INPP5A: variants seen among roughly 807,000 people sequenced by gnomAD.
The protein encoded by INPP5A is inositol polyphosphate-5-phosphatase A, also known as 43 kDa inositol polyphosphate 5-phophatase.
A neutral mutation model predicts 65.2 loss-of-function variants in INPP5A; 14 were observed. The observed-to-expected ratio is 0.21, with a 90% CI of 0.14 to 0.34. The LOEUF (loss-of-function observed/expected upper bound fraction) is 0.34, where lower values mean the gene tolerates loss of function less well. Among genes scored for constraint, INPP5A ranks in the 10% least tolerant of loss-of-function variants. The probability of loss-of-function intolerance (pLI) is 1.00; values close to 1 mark genes in which losing one functional copy is unlikely to be tolerated. For synonymous variants in INPP5A, 207 were observed against 208.3 expected (o/e 0.99, Z 0.05); for missense variants, 431 against 545.6 (o/e 0.79, Z 2.09).
At chr10:132,768,961 G>A (rs113323052) in intron 12 of INPP5A, among the ~76,000 whole-genome samples, 10 of 152,342 alleles carry the variant, frequency 6.6e-5, no homozygotes, top group Middle Eastern at 3.4e-3. Context: ...GGACCCTCCC[G>A]CGGGCAGTAG....
rs979731636 is a variant in INPP5A at position 132,627,939 on chromosome 10, G to T, written c.118-17929G>T. Among the ~76,000 whole-genome samples, 2 of 152,148 alleles carry T rather than the reference G, an allele frequency of 1.3e-5. No individual in the cohort carries two copies. Among genetic ancestry groups the T allele is most frequent in the Admixed American group, 6.5e-5 (1 of 15,270 alleles). ...TGGAGAGAAACTGGAGATAAGGGAC[G>T]CGAATCTGACTCGGTGACTTTGTTG... On this transcript the variant is annotated intron_variant, in intron 2 of 15. Transcript: ENST00000368594. This position sits in a 1 kb window ranked among gnomAD's most constrained non-coding sequence, Gnocchi z 6.6.
At chr10:132,717,327 C>T (rs1465590920) in intron 8 of INPP5A, among the ~76,000 whole-genome samples, 1 of 145,946 alleles carries the variant, frequency 6.9e-6, no homozygotes, top group African/African-American at 2.8e-5. Context: ...GTGGGGAAGT[C>T]AGGGGGCCTT....
intron 1 of INPP5A, among the ~76,000 whole-genome samples, chr10:132,570,874 C>G (rs994933954): frequency 4.6e-5 from 7 of 152,226 alleles, no homozygotes; most frequent in Non-Finnish European, 1.5e-5. Flanking sequence ...GATAGAGGGC[C>G]GTCCTTCCGG....
At chr10:132,750,098 G>T (rs561937083) in intron 11 of INPP5A, among the ~76,000 whole-genome samples, 2 of 152,382 alleles carry the variant, frequency 1.3e-5, no homozygotes, top group South Asian at 4.1e-4. Flanking sequence ...ATCAGCTTCA[G>T]AGATCCCCCC....
At chr10:132,562,594 A>G (rs926929518) in intron 1 of INPP5A, among the ~76,000 whole-genome samples, 4 of 152,372 alleles carry the variant, frequency 2.6e-5, no homozygotes, top group East Asian at 1.9e-4. Flanking sequence ...CACGTGAAAC[A>G]TGGTGCGTGT....
rs1451815337 is a variant in INPP5A at position 132,697,192 on chromosome 10, C to CACA, written c.371-624_371-623insACA. 1.3e-5 allele frequency among the ~76,000 whole-genome samples: 2 copies of CACA among 152,260 alleles called. No individual in the cohort carries two copies. The highest frequency in any genetic ancestry group is 4.1e-4 in the South Asian group (2 of 4,838). ...CCCTGCCATCCTTGATCACACCCCA[C>CACA]CTTGGGTGTGGAGCTACCTGTCCAT... On this transcript the variant is annotated intron_variant, in intron 5 of 15. Coordinates refer to ENST00000368594, the MANE Select transcript of INPP5A (RefSeq NM_005539.5). This position sits in a 1 kb window ranked among gnomAD's most constrained non-coding sequence, Gnocchi z 5.6.
At chr10:132,608,311 C>T (rs527779600) in intron 2 of INPP5A, among the ~76,000 whole-genome samples, 12 of 152,370 alleles carry the variant, frequency 7.9e-5, no homozygotes, top group East Asian at 5.8e-4. Flanking sequence ...GCTGGGTGTG[C>T]TCCTCACCAG....
At chr10:132,771,104 A>G (rs887066465) in intron 12 of INPP5A, among the ~76,000 whole-genome samples, 7 of 152,316 alleles carry the variant, frequency 4.6e-5, no homozygotes, top group African/African-American at 1.7e-4. Context: ...CTGTCTGTCA[A>G]TCTTTCTGGC....
chr10:132,544,192 C>G (rs920804735), intron 1 of INPP5A, among the ~76,000 whole-genome samples: 2 of 152,266 alleles, frequency 1.3e-5, no homozygotes, highest in Non-Finnish European at 1.5e-5. Flanking sequence ...AGTGCCATCT[C>G]TGTGTGGGTG....
intron 4 of INPP5A, among the ~76,000 whole-genome samples, chr10:132,664,832 T>C (rs967895435): frequency 4.6e-5 from 7 of 152,178 alleles, no homozygotes; most frequent in African/African-American, 1.7e-4. Context: ...AGAAAGTGGC[T>C]CCCATCCTGG....
chr10:132,669,783 G>A (rs75869647), intron 4 of INPP5A, among the ~76,000 whole-genome samples: 3 of 152,142 alleles, frequency 2.0e-5, no homozygotes, highest in East Asian at 1.9e-4. Flanking sequence ...GGATTTTGGC[G>A]TGAGCGTGGA....
chr10:132,770,338 G>T (rs1261260730), intron 12 of INPP5A, among the ~76,000 whole-genome samples: 1 of 152,250 alleles, frequency 6.6e-6, no homozygotes, highest in African/African-American at 2.4e-5. Context: ...TCCGGAATGT[G>T]GGGGGCACTG....
chr10:132,611,684 A>C (rs1373411908), intron 2 of INPP5A, among the ~76,000 whole-genome samples: 1 of 43,202 alleles, frequency 2.3e-5, no homozygotes, highest in Non-Finnish European at 4.5e-5. Context: ...GGGGAGGGTG[A>C]GGGAGGTGAG....
intron 9 of INPP5A, among the ~76,000 whole-genome samples, chr10:132,748,290 G>A (rs551533572): frequency 3.3e-5 from 5 of 152,322 alleles, no homozygotes; most frequent in Middle Eastern, 6.8e-3. Context: ...GTGTAAGGCA[G>A]CAGCTGTGCC....
At chr10:132,744,682 AT>A (rs1846336783) in intron 9 of INPP5A, among the ~76,000 whole-genome samples, 1 of 152,090 alleles carries the variant, frequency 6.6e-6, no homozygotes, top group African/African-American at 2.4e-5. Flanking sequence ...GTTCGTTTTT[AT>A]TTTATTTAAC....
intron 11 of INPP5A, among the ~76,000 whole-genome samples, chr10:132,759,254 C>G (rs1052178701): frequency 1.3e-5 from 2 of 152,070 alleles, no homozygotes; most frequent in African/African-American, 4.8e-5. Flanking sequence ...TTGGATGCAC[C>G]AGGGAAGACC....
At chr10:132,701,073 C>A (rs1845428860) in intron 6 of INPP5A, among the ~76,000 whole-genome samples, 1 of 152,202 alleles carries the variant, frequency 6.6e-6, no homozygotes, top group African/African-American at 2.4e-5. Flanking sequence ...TCTGAGCGGG[C>A]CTTCGGCGTG....
intron 4 of INPP5A, among the ~76,000 whole-genome samples, chr10:132,688,791 A>C (rs1289600396): frequency 1.3e-5 from 2 of 148,498 alleles, no homozygotes; most frequent in Middle Eastern, 3.3e-3. Context: ...TGTGTGAGCA[A>C]GTGCGTGTGT....
chr10:132,765,981 AGAGT>A (rs1565008377), intron 12 of INPP5A, 135 bp downstream of exon 12: 1 of 674,790 alleles, frequency 1.5e-6, no homozygotes, highest in Non-Finnish European at 2.8e-6. Context: ...GTGTGCATCC[AGAGT>A]GTGTGTACCA....
Sources: allele counts gnomAD v4.1 joint callset (sites outside exome capture counted in the v4.1 genomes callset), GRCh38; gene constraint gnomAD v4.1.1; non-coding constraint Gnocchi (gnomAD v3.1); transcripts MANE v1.5; gene names NCBI Gene and HGNC (gene_info 2026-07-23, HGNC 2026-07-21).